HACE1: variants seen among roughly 807,000 people sequenced by gnomAD.
HACE1 encodes E3 ubiquitin-protein ligase HACE1.
A neutral mutation model predicts 118.4 loss-of-function variants in HACE1; 73 were observed. The ratio of observed to expected loss-of-function variants is 0.62; its 90% CI spans 0.51 to 0.75. The LOEUF (loss-of-function observed/expected upper bound fraction) is 0.75. Among genes scored for constraint, HACE1 ranks in the 30% least tolerant of loss-of-function variants. HACE1 has a pLI of 0.00. For synonymous variants in HACE1, 368 were observed against 374.8 expected, an observed-to-expected ratio of 0.98 and a Z score of 0.21; for missense variants, 749 against 1,102.2, an observed-to-expected ratio of 0.68 and a Z score of 4.54.
intron 14 of HACE1, among the ~76,000 whole-genome samples, chr6:104,778,055 G>A (rs1260156351): frequency 3.9e-5 from 6 of 152,066 alleles, no homozygotes; most frequent in South Asian, 2.1e-4. Context: ...CACTGCGCCC[G>A]GCCTCTTACT....
intron 7 of HACE1, among the ~76,000 whole-genome samples, chr6:104,802,672 CA>C: frequency 6.6e-6 from 1 of 152,080 alleles, no homozygotes; most frequent in African/African-American, 2.4e-5. Context: ...CCAATGAGAA[CA>C]AAGACACAAC....
chr6:104,849,651 A>ATG (rs1775994058), intron 3 of HACE1, among the ~76,000 whole-genome samples: 1 of 145,970 alleles, frequency 6.9e-6, no homozygotes, highest in East Asian at 2.1e-4. Flanking sequence ...CCTTAAACAC[A>ATG]TTTTTTTTTT....
intron 7 of HACE1, 122 bp downstream of exon 7, chr6:104,811,189 T>A (rs560637807): frequency 1.4e-5 from 3 of 208,576 alleles, no homozygotes; most frequent in Admixed American, 5.9e-5. Context: ...CAGAAACGTG[T>A]GTGTCTAGAA....
At chr6:104,789,107 AC>A (rs983981337) in intron 11 of HACE1, among the ~76,000 whole-genome samples, 1 of 152,052 alleles carries the variant, frequency 6.6e-6, no homozygotes, top group Non-Finnish European at 1.5e-5. Flanking sequence ...ACTTGAAATC[AC>A]CCCCACAATG....
intron 6 of HACE1, 87 bp from the exon 7 acceptor site, chr6:104,811,480 T>A (rs906720411): frequency 2.9e-6 from 2 of 686,274 alleles, no homozygotes; most frequent in Non-Finnish European, 5.4e-6. Context: ...ATAAGGGAAG[T>A]TCTTCCCACA....
intron 19 of HACE1, among the ~76,000 whole-genome samples, chr6:104,753,201 C>T (rs1444235033): frequency 6.6e-6 from 1 of 152,168 alleles, no homozygotes; most frequent in Non-Finnish European, 1.5e-5. Context: ...TGTAGAAATA[C>T]ACTGGCTAAG....
At chr6:104,804,439 G>A (rs985645798) in intron 7 of HACE1, among the ~76,000 whole-genome samples, 4 of 152,152 alleles carry the variant, frequency 2.6e-5, no homozygotes, top group African/African-American at 7.2e-5. Context: ...AAAGCTGGCA[G>A]CATCATGCTA....
intron 7 of HACE1, among the ~76,000 whole-genome samples, chr6:104,809,389 A>G (rs1475031874): frequency 6.6e-6 from 1 of 152,180 alleles, no homozygotes; most frequent in African/African-American, 2.4e-5. Flanking sequence ...AAGCAGTAAC[A>G]TGAATAAGAA....
In HACE1 at chr6:104,785,038, T is replaced by C. The variant is rs1286165313; in HGVS notation, c.1356A>G (p.Leu452=). The change falls in exon 12 of 24, where the codon CTA becomes CTG. Residue 452 remains leucine, a synonymous_variant. Transcript: ENST00000262903. ...QDVISMTANR[L]SAVIQAFYMC... ...TGTAAAAAGCTTGAATGACAGCACT[T>C]AGCCGGTTAGCTGTCATAGAAATAA... The C allele has an allele frequency of 6.2e-7, 1 of 1,613,842 alleles. No individual in the cohort carries two copies. Among genetic ancestry groups the C allele is most frequent in the Non-Finnish European group, 8.5e-7 (1 of 1,179,866 alleles).
intron 6 of HACE1, among the ~76,000 whole-genome samples, 196 bp from the exon 7 acceptor site, chr6:104,811,589 A>G (rs959315043): frequency 1.3e-5 from 2 of 152,088 alleles, no homozygotes; most frequent in African/African-American, 4.8e-5. Flanking sequence ...GGCACAACAC[A>G]CATATATGTG....
At chr6:104,806,715 T>C (rs1349481928) in intron 7 of HACE1, among the ~76,000 whole-genome samples, 1 of 152,164 alleles carries the variant, frequency 6.6e-6, no homozygotes, top group Non-Finnish European at 1.5e-5. Context: ...TCTCAATTTT[T>C]TAATATTGAT....
At chr6:104,799,604 C>T (rs1007836486) in intron 7 of HACE1, among the ~76,000 whole-genome samples, 3 of 152,094 alleles carry the variant, frequency 2.0e-5, no homozygotes, top group Non-Finnish European at 2.9e-5. Flanking sequence ...TGGAGTTGCT[C>T]GAGATGAACA....
chr6:104,776,633 TC>T, intron 17 of HACE1, 107 bp downstream of exon 17: 1 of 755,380 alleles, frequency 1.3e-6, no homozygotes, highest in Non-Finnish European at 2.4e-6. Flanking sequence ...AATAAGAATA[TC>T]CCACCTAGCT....
intron 6 of HACE1, among the ~76,000 whole-genome samples, chr6:104,831,975 GAAGAGAGGAAGGAAGGA>G (rs1193934761): frequency 7.2e-3 from 385 of 53,302 alleles, no homozygotes; most frequent in African/African-American, 0.021. Context: ...GAAGAGAAGA[GAAGAGAGGAAGGAAGGA>G]AGGAAGGAAG....
intron 20 of HACE1, among the ~76,000 whole-genome samples, chr6:104,750,013 T>A (rs2114558604): frequency 6.6e-6 from 1 of 152,212 alleles, no homozygotes; most frequent in African/African-American, 2.4e-5. Flanking sequence ...TGTGGTCAAA[T>A]AAAAAATTCA....
chr6:104,785,508 C>T, intron 11 of HACE1, 189 bp from the exon 12 acceptor site: 1 of 554,966 alleles, frequency 1.8e-6, no homozygotes, highest in East Asian at 3.0e-5. Context: ...ACATAAATGA[C>T]AATTTCTTCA....
intron 7 of HACE1, among the ~76,000 whole-genome samples, chr6:104,799,936 CA>C (rs1770124586): frequency 6.6e-6 from 1 of 152,136 alleles, no homozygotes; most frequent in Admixed American, 6.5e-5. Flanking sequence ...CTCAAGGGGT[CA>C]GGGGATTTCC....
chr6:104,736,800 T>C (rs910242471), intron 22 of HACE1, among the ~76,000 whole-genome samples: 1 of 152,138 alleles, frequency 6.6e-6, no homozygotes, highest in African/African-American at 2.4e-5. Flanking sequence ...ATTAGATTTA[T>C]AGTGTGAGTC....
chr6:104,830,683 C>G (rs773674472), intron 6 of HACE1, among the ~76,000 whole-genome samples: 3 of 151,808 alleles, frequency 2.0e-5, no homozygotes, highest in Non-Finnish European at 4.4e-5. Context: ...AACTTTGTAT[C>G]CTTGTAGTTA....
Sources: allele counts gnomAD v4.1 joint callset (sites outside exome capture counted in the v4.1 genomes callset), GRCh38; gene constraint gnomAD v4.1.1; transcripts MANE v1.5; gene names NCBI Gene and HGNC (gene_info 2026-07-23, HGNC 2026-07-21).